PVT1: variants seen among roughly 807,000 people sequenced by gnomAD.
PVT1 encodes CXCR4/PVT1 fusion.
Position 128,075,532 on chromosome 8 carries a change from G to A in PVT1, n.1114+5171G>A, listed in dbSNP as rs573441087. Among the ~76,000 whole-genome samples, 125 of 152,218 alleles carry A rather than the reference G, an allele frequency of 8.2e-4. 4 individuals carry two copies. In the South Asian group the frequency reaches 0.025, roughly 31 times the overall value. ...TAAAAATTTTCCACAAAAGGCCAAA[G>A]TCCTTTTAGCTCACCCATCTTCAAT... On this transcript the variant is annotated intron_variant and non_coding_transcript_variant, in intron 5 of 10. Transcript: ENST00000651587.
Position 127,945,367 on chromosome 8 carries a change from T to C in PVT1, n.783-43795T>C, listed in dbSNP as rs534474825. 3.0e-4 allele frequency among the ~76,000 whole-genome samples: 46 copies of C among 152,272 alleles called. No homozygotes were observed. In the South Asian group the frequency reaches 4.6e-3, roughly 15 times the overall value. ...TTCATAAGACGCGATCACATTGCCC[T>C]CCAGAACAATCATGCCAGTTTACAC... On this transcript the variant is annotated intron_variant and non_coding_transcript_variant, in intron 3 of 10. Transcript: ENST00000651587.
intron 3 of PVT1, among the ~76,000 whole-genome samples, chr8:127,942,763 C>T (rs73359220): frequency 1.2e-3 from 178 of 152,308 alleles, no homozygotes; most frequent in African/African-American, 4.2e-3. Context: ...GTGGGAAAGA[C>T]TGTGAGATTC....
chr8:127,954,845 G>C (rs533115496), intron 3 of PVT1, among the ~76,000 whole-genome samples: 1 of 152,284 alleles, frequency 6.6e-6, no homozygotes, highest in African/African-American at 2.4e-5. Flanking sequence ...ATGGGCCAGC[G>C]CTTTCTGTGT....
intron 3 of PVT1, chr8:127,946,978 A>G (rs767993604): frequency 6.6e-6 from 1 of 152,152 alleles, no homozygotes; most frequent in Non-Finnish European, 1.5e-5. Flanking sequence ...CCGTTCATTT[A>G]TATAACAAAT....
intron 5 of PVT1, among the ~76,000 whole-genome samples, chr8:128,071,744 A>G (rs976913358): frequency 2.0e-5 from 3 of 151,942 alleles, no homozygotes; most frequent in Non-Finnish European, 4.4e-5. Context: ...TGGAAACCGT[A>G]TAGTTATAAT....
chr8:127,812,981 C>T (rs2129664048), intron 2 of PVT1, among the ~76,000 whole-genome samples: 1 of 151,792 alleles, frequency 6.6e-6, no homozygotes, highest in East Asian at 1.9e-4. Flanking sequence ...AGAGCATTGA[C>T]AATGATAATA....
At chr8:128,091,543 C>T (rs1025333897) in intron 5 of PVT1, among the ~76,000 whole-genome samples, 6 of 152,134 alleles carry the variant, frequency 3.9e-5, no homozygotes, top group Non-Finnish European at 7.3e-5. Flanking sequence ...CTTTTCCTTT[C>T]TTCTTCATTC....
chr8:127,858,140 C>T (rs149214937), intron 2 of PVT1, among the ~76,000 whole-genome samples: 23 of 152,262 alleles, frequency 1.5e-4, no homozygotes, highest in Admixed American at 8.5e-4. Context: ...CCTATAATCA[C>T]GGCACTTTGG....
At chr8:127,815,057 C>T (rs1279996932) in intron 2 of PVT1, among the ~76,000 whole-genome samples, 3 of 152,138 alleles carry the variant, frequency 2.0e-5, no homozygotes, top group Admixed American at 1.3e-4. Context: ...ACCTCTGCCT[C>T]CCAATTCAAG....
At position 127,995,099 on chromosome 8, in the gene PVT1, G is replaced by A. The variant is rs1037633098; in HGVS notation, n.912+5808G>A. Among the ~76,000 whole-genome samples the A allele has an allele frequency of 4.6e-5, 7 of 152,146 alleles. No individual in the cohort carries two copies. In the East Asian group the frequency reaches 9.6e-4, roughly 21 times the overall value. On this transcript the variant is annotated intron_variant and non_coding_transcript_variant, in intron 4 of 10. Coordinates refer to ENST00000651587, the Ensembl canonical transcript of PVT1. ...CCAATACCTGTATTTACTGGGTAAC[G>A]TGCATCTCAGCTCACCAGGCTGGTT...
intron 3 of PVT1, among the ~76,000 whole-genome samples, chr8:127,928,165 C>T (rs893086501): frequency 2.9e-4 from 44 of 152,280 alleles, no homozygotes; most frequent in African/African-American, 1.1e-3. Flanking sequence ...GACCACCGGC[C>T]GTCAATATCT....
intron 3 of PVT1, among the ~76,000 whole-genome samples, chr8:127,925,324 GA>G (rs2129874486): frequency 6.6e-6 from 1 of 151,950 alleles, no homozygotes; most frequent in South Asian, 2.1e-4. Context: ...AAATCAAGAT[GA>G]AAAATCAAAA....
At chr8:127,850,407 A>G (rs987501487) in intron 2 of PVT1, among the ~76,000 whole-genome samples, 3 of 152,224 alleles carry the variant, frequency 2.0e-5, no homozygotes, top group South Asian at 2.1e-4. Context: ...TGTTGGGGGC[A>G]CATGTTTGCA....
At chr8:128,094,080 T>TG (rs529356127) in intron 5 of PVT1, among the ~76,000 whole-genome samples, 13 of 152,300 alleles carry the variant, frequency 8.5e-5, no homozygotes, top group African/African-American at 3.1e-4. Context: ...GCATGGCATA[T>TG]GGACCTGCAA....
chr8:127,933,810 A>G (rs770048250), intron 3 of PVT1, among the ~76,000 whole-genome samples: 1 of 152,230 alleles, frequency 6.6e-6, no homozygotes, highest in Non-Finnish European at 1.5e-5. Flanking sequence ...TGTTGCCTCC[A>G]TAGCTTTCTA....
chr8:128,071,349 G>A (rs1243407916), intron 5 of PVT1, among the ~76,000 whole-genome samples: 1 of 152,076 alleles, frequency 6.6e-6, no homozygotes, highest in Non-Finnish European at 1.5e-5. Flanking sequence ...TCAGCCACGT[G>A]GATGCCATAG....
intron 2 of PVT1, among the ~76,000 whole-genome samples, chr8:127,840,561 A>G (rs1020416502): frequency 6.6e-6 from 1 of 152,222 alleles, no homozygotes; most frequent in African/African-American, 2.4e-5. Context: ...AAAGGCCTTA[A>G]AATAGTGTGG....
In PVT1 at chr8:127,984,867, T is replaced by TTCTTTCTTTCTTTC. The variant is rs1563657419; in HGVS notation, n.783-4293_783-4280dup. The stretch of plus-strand genomic sequence containing the variant: ...TTTCTTTCTTTCTTTCTTTCTTTCT[T>TTCTTTCTTTCTTTC]TCTTTCTTTCTTTCTTTCTTTCTTT... On this transcript the variant is annotated intron_variant and non_coding_transcript_variant, in intron 3 of 10. Transcript: ENST00000651587. Among the ~76,000 whole-genome samples the TTCTTTCTTTCTTTC allele has an allele frequency of 1.3e-3, 97 of 73,066 alleles. 2 individuals are homozygous for TTCTTTCTTTCTTTC. The highest frequency in any genetic ancestry group is 8.5e-3 in the East Asian group (23 of 2,698). The allele number at this position is 73,066 out of a possible 152,430, so 47.9% of individuals were successfully genotyped here. A position where few individuals can be genotyped will look rare whatever the true frequency, so the allele number is the denominator to read the frequency against.
At chr8:128,088,145 G>A (rs1814282602) in intron 5 of PVT1, among the ~76,000 whole-genome samples, 1 of 152,136 alleles carries the variant, frequency 6.6e-6, no homozygotes, top group Non-Finnish European at 1.5e-5. Context: ...AATATTCTGA[G>A]TAAGCAGAAC....
Sources: gnomAD v4.1 joint callset for allele counts (sites outside exome capture counted in the v4.1 genomes callset) on GRCh38, gnomAD v4.1.1 for gene constraint, MANE v1.5 for transcripts, NCBI Gene and HGNC (gene_info 2026-07-23, HGNC 2026-07-21) for gene names.